Variants in ITGB4 observed in about 807,000 individuals in gnomAD.
ITGB4 encodes integrin beta-4.
A neutral mutation model predicts 207.6 loss-of-function variants in ITGB4; 159 were observed. The observed-to-expected ratio is 0.77, with a 90% CI of 0.67 to 0.87. The LOEUF (loss-of-function observed/expected upper bound fraction) is 0.87. Ranked by LOEUF, ITGB4 falls within the 40% of genes least tolerant of loss-of-function variation. ITGB4 has a pLI of 0.00. For synonymous variants in ITGB4, 1,020 were observed against 1,062.7 expected, an observed-to-expected ratio of 0.96 and a Z score of 0.78; for missense variants, 2,278 against 2,546.8, an observed-to-expected ratio of 0.89 and a Z score of 2.27.
rs764813471 is a variant in ITGB4 at position 75,733,596 on chromosome 17, G to A, written c.1561G>A (p.Gly521Arg). ...CTCCGGCCGTGGGGAGTGCCAGTGC[G>A]GGCACTGTGTGTGCTACGGCGAAGG... ...PCSGRGECQC[G>R]HCVCYGEGRY... Residue 521 changes from glycine (G) to arginine (R), a missense_variant, in exon 13 of 40, where the codon GGG becomes AGG. Gly to Arg is a moderately radical substitution (Grantham distance 125). Coordinates refer to ENST00000200181, the MANE Select transcript of ITGB4 (RefSeq NM_000213.5). 21 of 1,613,986 alleles carry A rather than the reference G, an allele frequency of 1.3e-5. No individual in the cohort carries two copies. The highest frequency in any genetic ancestry group is 8.0e-5 in the African/African-American group (6 of 74,932).
intron 30 of ITGB4, among the ~76,000 whole-genome samples, chr17:75,751,370 C>A (rs906372599): frequency 1.2e-4 from 18 of 152,152 alleles, no homozygotes; most frequent in Non-Finnish European, 2.2e-4. Flanking sequence ...CCCAGGGGTA[C>A]CCCTCCCCAT....
chr17:75,755,603 C>A, intron 34 of ITGB4, 98 bp from the exon 35 acceptor site: 2 of 1,484,730 alleles, frequency 1.3e-6, no homozygotes, highest in Non-Finnish European at 1.9e-6. Context: ...TCAGTGTAGA[C>A]ATGCCAGCTG....
In ITGB4 at chr17:75,729,360, AG is replaced by A. The variant is rs1289264126; in HGVS notation, c.665del (p.Gly222GlufsTer60). On this transcript the variant is annotated frameshift_variant, in exon 7 of 40. Transcript: ENST00000200181. LOFTEE classifies it high-confidence loss of function. The surrounding 1 kb of genome is among the most constrained non-coding windows in gnomAD (Gnocchi z 4.4). ...EDVDEFRNKL[Q>X]GERISGNLDA... ...GTGGATGAGTTCCGGAATAAACTGC[AG>A]GGAGAGCGGATCTCAGGCAACCTGG... 17 of 1,614,186 alleles carry A rather than the reference AG, an allele frequency of 1.1e-5. No individual in the cohort carries two copies. The highest frequency in any genetic ancestry group is 1.4e-5 in the Non-Finnish European group (17 of 1,180,026).
At chr17:75,726,225 G>C (rs1405309480) in intron 2 of ITGB4, among the ~76,000 whole-genome samples, 2 of 152,214 alleles carry the variant, frequency 1.3e-5, no homozygotes, top group Admixed American at 6.5e-5. Context: ...AGGCCAAGGT[G>C]GGAGGATCTC....
At position 75,743,895 on chromosome 17, in the gene ITGB4, C is replaced by T. The variant is rs376555544; in HGVS notation, c.3111+34C>T. ...GCGCCACAGGGTCGAGGGTGCAGCCCGGGGGGCTGCGTGGGCACCGCATTG... is the reference window on the plus strand; with the variant it reads ...GCGCCACAGGGTCGAGGGTGCAGCCTGGGGGGCTGCGTGGGCACCGCATTG... On this transcript the variant is annotated intron_variant, in intron 26 of 39. Coordinates refer to ENST00000200181, the MANE Select transcript of ITGB4 (RefSeq NM_000213.5). The T allele has an allele frequency of 3.6e-5, 56 of 1,549,294 alleles. No homozygotes were observed. The African/African-American group carries it at 4.0e-4, about 11-fold the overall frequency.
intron 18 of ITGB4, 74 bp downstream of exon 18, chr17:75,737,718 A>C (rs1410380599): frequency 8.0e-7 from 1 of 1,244,002 alleles, no homozygotes; most frequent in Non-Finnish European, 1.2e-6. Flanking sequence ...ACCCTCCACC[A>C]GGGTCCCCAG....
Position 75,732,316 on chromosome 17 carries a change from G to GC in ITGB4, c.1454+80dup. 7.2e-7 allele frequency: 1 copy of GC among 1,391,430 alleles called. No homozygotes were observed. The highest frequency in any genetic ancestry group is 1.0e-6 in the Non-Finnish European group (1 of 980,940). 86.2% of individuals were successfully genotyped at this position (1,391,430 alleles called of 1,614,324 possible). On this transcript the variant is annotated intron_variant, in intron 12 of 39. Transcript: ENST00000200181. This position sits in a 1 kb window ranked among gnomAD's most constrained non-coding sequence, Gnocchi z 5.3. ...AAAGCTGGGCTCCTGCAGGGGCCTG[G>GC]CCCTGGGTGCACCTTGTACACCTGG...
chr17:75,736,851 G>C, intron 16 of ITGB4, 157 bp downstream of exon 16: 1 of 823,534 alleles, frequency 1.2e-6, no homozygotes. Context: ...ACAGAACCCA[G>C]ATAGAGGACA....
At position 75,729,653 on chromosome 17, in the gene ITGB4, G is replaced by A. The variant is rs1340352478; in HGVS notation, c.738+217G>A. Among the ~76,000 whole-genome samples the A allele has an allele frequency of 6.6e-6, 1 of 152,188 alleles. No individual in the cohort carries two copies. Among genetic ancestry groups the A allele is most frequent in the African/African-American group, 2.4e-5 (1 of 41,444 alleles). ...ATGTGCCTGGAGCCACGGTCCCCTG[G>A]CCTGAGCAGTCACAGCCTGGTTTCG... On this transcript the variant is annotated intron_variant, in intron 7 of 39. Coordinates refer to ENST00000200181, the MANE Select transcript of ITGB4 (RefSeq NM_000213.5). The surrounding 1 kb of genome is among the most constrained non-coding windows in gnomAD (Gnocchi z 4.4).
intron 13 of ITGB4, among the ~76,000 whole-genome samples, chr17:75,735,703 G>T (rs930005085): frequency 6.6e-6 from 1 of 152,168 alleles, no homozygotes; most frequent in Non-Finnish European, 1.5e-5. Context: ...GAGCCACCTT[G>T]CCTGGACTTA....
At chr17:75,734,897 G>A (rs2148493098) in intron 13 of ITGB4, among the ~76,000 whole-genome samples, 1 of 152,320 alleles carries the variant, frequency 6.6e-6, no homozygotes, top group East Asian at 1.9e-4. Flanking sequence ...GTCCAGAGCA[G>A]GACTTCATCC....
rs374518183 is a variant in ITGB4, at chr17:75,731,420, C to T, written c.1215+52C>T. The T allele has an allele frequency of 3.2e-5, 50 of 1,557,642 alleles. No homozygotes were observed. In the East Asian group the frequency reaches 7.2e-4, roughly 22 times the overall value. ...GGGGGATAGGCACAGCGCCCCACAC[C>T]GAGTGGAATCGTTTAAAACAGCGGT... On this transcript the variant is annotated intron_variant, in intron 10 of 39. Transcript: ENST00000200181. This position sits in a 1 kb window ranked among gnomAD's most constrained non-coding sequence, Gnocchi z 6.8.
chr17:75,737,351 C>G lies in ITGB4; in HGVS notation c.2020C>G (p.Arg674Gly). ...AEEVVVRCSFRDEDDDCTYSY... is the reference protein window; with the variant it reads ...AEEVVVRCSFGDEDDDCTYSY... ...GGAGGTGGTGGTGCGCTGCTCCTTC[C>G]GGGACGAGGATGACGACTGCACCTA... Residue 674 changes from arginine (R) to glycine (G), a missense_variant, in exon 17 of 40, where the codon CGG becomes GGG. Physicochemically the swap from Arg to Gly is moderately radical, Grantham distance 125 (BLOSUM62 -2). Transcript: ENST00000200181. 1 of 1,591,514 alleles carries G rather than the reference C, an allele frequency of 6.3e-7. No homozygotes were observed. The highest frequency in any genetic ancestry group is 8.6e-7 in the Non-Finnish European group (1 of 1,169,482).
In ITGB4 at chr17:75,733,842, C is replaced by T. The variant is rs943821662; in HGVS notation, c.1657+150C>T. ...AGCCCACTCTGGATGCCCTGAGGGCCGCCCCTGAGTCCTGCCCCAACCTGG... is the reference window on the plus strand; with the variant it reads ...AGCCCACTCTGGATGCCCTGAGGGCTGCCCCTGAGTCCTGCCCCAACCTGG... On this transcript the variant is annotated intron_variant, in intron 13 of 39. Transcript: ENST00000200181. 25 of 867,448 alleles carry T rather than the reference C, an allele frequency of 2.9e-5. No individual in the cohort carries two copies. The African/African-American group carries it at 3.2e-4, about 11-fold the overall frequency. The allele number at this position is 867,448 out of a possible 1,614,324, so 53.7% of individuals were successfully genotyped here.
At position 75,739,775 on chromosome 17, in the gene ITGB4, G is replaced by C. The variant is rs1209218573; in HGVS notation, c.2254+70G>C. 1 of 1,611,400 alleles carries C rather than the reference G, an allele frequency of 6.2e-7. No homozygotes were observed. The highest frequency in any genetic ancestry group is 8.5e-7 in the Non-Finnish European group (1 of 1,177,854). The stretch of plus-strand genomic sequence containing the variant: ...TTTCTCTGAGCTGGGGTGGAGGGAA[G>C]CTGAACCTGGAACGGCAGAGGCTGG... On this transcript the variant is annotated intron_variant, in intron 19 of 39. Coordinates refer to ENST00000200181, the MANE Select transcript of ITGB4 (RefSeq NM_000213.5). This position sits in a 1 kb window ranked among gnomAD's most constrained non-coding sequence, Gnocchi z 5.4.
rs2060826997 is a variant in ITGB4 at position 75,730,456 on chromosome 17, C to T, written c.954C>T (p.Asn318=). The T allele has an allele frequency of 3.7e-6, 6 of 1,613,960 alleles. No individual in the cohort carries two copies. The highest frequency in any genetic ancestry group is 5.1e-6 in the Non-Finnish European group (6 of 1,180,030). The change falls in exon 8 of 40, where the codon AAC becomes AAT. Residue 318 remains asparagine, a synonymous_variant. Transcript: ENST00000200181. ...TGGTGCGCCTGCTCGCCAAGCACAA[C>T]ATCATCCCCATCTTTGCTGTCACCA... ...PTLVRLLAKH[N]IIPIFAVTNY...
At chr17:75,747,727 G>T (rs1159987323) in intron 26 of ITGB4, among the ~76,000 whole-genome samples, 1 of 152,160 alleles carries the variant, frequency 6.6e-6, no homozygotes, top group East Asian at 1.9e-4. Flanking sequence ...GTGCCTCACT[G>T]CAACCTCTGC....
rs1290608216 is a variant in ITGB4 at position 75,739,192 on chromosome 17, G to T, written c.2221-480G>T. The stretch of plus-strand genomic sequence containing the variant: ...TGCCTATAATCCCAGTTACTAGGGG[G>T]GCTGAGGCAGGAGAATTGCTTGAAC... On this transcript the variant is annotated intron_variant, in intron 18 of 39. Coordinates refer to ENST00000200181, the MANE Select transcript of ITGB4 (RefSeq NM_000213.5). This position sits in a 1 kb window ranked among gnomAD's most constrained non-coding sequence, Gnocchi z 5.4. Among the ~76,000 whole-genome samples the T allele has an allele frequency of 6.6e-6, 1 of 151,412 alleles. No homozygotes were observed. The highest frequency in any genetic ancestry group is 1.5e-5 in the Non-Finnish European group (1 of 67,874).
intron 13 of ITGB4, among the ~76,000 whole-genome samples, chr17:75,735,850 C>A (rs2060963139): frequency 6.6e-6 from 1 of 152,160 alleles, no homozygotes; most frequent in South Asian, 2.1e-4. Flanking sequence ...ACTCAGGCTG[C>A]AGAGTGGAAG....
Sources: gnomAD v4.1 joint callset for allele counts (sites outside exome capture counted in the v4.1 genomes callset) on GRCh38, gnomAD v4.1.1 for gene constraint, Gnocchi (gnomAD v3.1) non-coding constraint, MANE v1.5 for transcripts, NCBI Gene and HGNC (gene_info 2026-07-23, HGNC 2026-07-21) for gene names.